Variants in CNTNAP5 observed in about 807,000 individuals in gnomAD.
CNTNAP5 encodes contactin-associated protein-like 5.
A neutral mutation model predicts 150.2 loss-of-function variants in CNTNAP5; 72 were observed. The ratio of observed to expected loss-of-function variants is 0.48; its 90% confidence interval spans 0.40 to 0.58. CNTNAP5 has a LOEUF of 0.58. CNTNAP5 is among the 20% of genes least tolerant of loss of function. The pLI, the probability that CNTNAP5 is intolerant of heterozygous loss-of-function variation, is 0.00. For missense variants in CNTNAP5, 1,636 were observed against 1,626.2 expected (o/e 1.01, Z -0.10); for synonymous variants, 672 against 619.8 (o/e 1.08, Z -1.25).
Position 124,872,411 on chromosome 2 carries a change from TGTGTGC to T in CNTNAP5, c.3436+2653_3436+2658del, listed in dbSNP as rs751087009. On this transcript the variant is annotated intron_variant, in intron 21 of 23. Transcript: ENST00000682447. ...GTGTGTGTGTGTGTGTGTGTGTGTGTGTGTGCGTGCATGTGCGTTTGTTCATATTGA... is the reference window on the plus strand; with the variant it reads ...GTGTGTGTGTGTGTGTGTGTGTGTGTGTGCATGTGCGTTTGTTCATATTGA... Among the ~76,000 whole-genome samples, 40 of 146,418 alleles carry T rather than the reference TGTGTGC, an allele frequency of 2.7e-4. No individual in the cohort carries two copies. In the East Asian group the frequency reaches 4.5e-3, roughly 17 times the overall value.
chr2:124,456,995 A>G (rs1490239658), intron 6 of CNTNAP5, among the ~76,000 whole-genome samples: 1 of 152,232 alleles, frequency 6.6e-6, no homozygotes, highest in Non-Finnish European at 1.5e-5. Flanking sequence ...CCTTCTAGAC[A>G]TTGGCTTGGG....
intron 13 of CNTNAP5, among the ~76,000 whole-genome samples, chr2:124,683,162 T>G (rs1319232235): frequency 6.6e-6 from 1 of 152,170 alleles, no homozygotes; most frequent in Non-Finnish European, 1.5e-5. Flanking sequence ...GTGTGGCTGA[T>G]GTATGAATCT....
intron 3 of CNTNAP5, among the ~76,000 whole-genome samples, chr2:124,394,955 T>C (rs1041650466): frequency 1.3e-5 from 2 of 152,138 alleles, no homozygotes; most frequent in African/African-American, 4.8e-5. Flanking sequence ...CTCAGTAAAA[T>C]ACATAATAAA....
At chr2:124,768,033 C>G (rs1207011973) in intron 16 of CNTNAP5, among the ~76,000 whole-genome samples, 1 of 152,120 alleles carries the variant, frequency 6.6e-6, no homozygotes, top group Non-Finnish European at 1.5e-5. Context: ...CCAGGGCCTA[C>G]CCCCACACCA....
chr2:124,277,439 A>T (rs9308649), intron 3 of CNTNAP5, among the ~76,000 whole-genome samples: 24,362 of 152,134 alleles, frequency 0.16, 2,065 homozygotes, highest in Non-Finnish European at 0.2. Context: ...TATTTTCAAA[A>T]TGGATATGAT....
At chr2:124,506,439 A>G (rs1214509915) in intron 8 of CNTNAP5, among the ~76,000 whole-genome samples, 1 of 152,108 alleles carries the variant, frequency 6.6e-6, no homozygotes, top group Non-Finnish European at 1.5e-5. Flanking sequence ...TGGGCCCAAT[A>G]TACTTTGCAT....
intron 7 of CNTNAP5, among the ~76,000 whole-genome samples, chr2:124,483,213 A>C (rs1359911410): frequency 2.6e-5 from 4 of 152,236 alleles, no homozygotes; most frequent in Admixed American, 2.6e-4. Context: ...GAGGTAAAGC[A>C]GGGTCCTGGA....
intron 8 of CNTNAP5, among the ~76,000 whole-genome samples, chr2:124,506,580 G>A (rs1440090200): frequency 6.6e-6 from 1 of 152,136 alleles, no homozygotes; most frequent in East Asian, 1.9e-4. Flanking sequence ...ATAGCAGAAA[G>A]GCCTGAGTCT....
Position 124,316,839 on chromosome 2 carries a change from A to AAAAAG in CNTNAP5, c.381+74460_381+74464dup, listed in dbSNP as rs908245693. The stretch of plus-strand genomic sequence containing the variant: ...AAAAAAAAAAAAAAAGAAAAAGAAA[A>AAAAAG]AAAAGAAAAGAAAAGAAAGAATGGA... On this transcript the variant is annotated intron_variant, in intron 3 of 23. Transcript: ENST00000682447. Among the ~76,000 whole-genome samples the AAAAAG allele has an allele frequency of 1.3e-4, 19 of 151,066 alleles. No individual in the cohort carries two copies. In the South Asian group the frequency reaches 3.6e-3, roughly 28 times the overall value.
rs76720923 is a variant in CNTNAP5, at chr2:124,805,330, G to T, written c.3217+7010G>T. ...AGAGGGGTGTGTGTGTGTGTATATA[G>T]AGAGAGAGCTATAATAACTAAGAAA... is the stretch of plus-strand genomic sequence containing the variant. On this transcript the variant is annotated intron_variant, in intron 19 of 23. Transcript: ENST00000682447. Among the ~76,000 whole-genome samples the T allele has an allele frequency of 2.5e-3, 386 of 152,150 alleles. 1 individual carries two copies. Among genetic ancestry groups the T allele is most frequent in the East Asian group, 0.011 (59 of 5,172 alleles).
intron 8 of CNTNAP5, among the ~76,000 whole-genome samples, chr2:124,510,313 C>CTATATATCTATCTATATATATA (rs1694542360): frequency 1.8e-5 from 1 of 54,280 alleles, no homozygotes; most frequent in Non-Finnish European, 3.5e-5. Context: ...ATATATATAT[C>CTATATATCTATCTATATATATA]TATATATCTA....
At chr2:124,508,822 C>T (rs1417329079) in intron 8 of CNTNAP5, among the ~76,000 whole-genome samples, 1 of 152,190 alleles carries the variant, frequency 6.6e-6, no homozygotes, top group Non-Finnish European at 1.5e-5. Context: ...ATTTTCCCAT[C>T]TGGGAGGAGG....
intron 5 of CNTNAP5, among the ~76,000 whole-genome samples, chr2:124,437,848 T>A (rs1189749124): frequency 6.6e-6 from 1 of 152,156 alleles, no homozygotes; most frequent in African/African-American, 2.4e-5. Flanking sequence ...GCTGGTCAAA[T>A]AAAGGAGAGA....
chr2:124,259,237 TTTC>T (rs549610417), intron 3 of CNTNAP5, among the ~76,000 whole-genome samples: 67 of 152,264 alleles, frequency 4.4e-4, no homozygotes, highest in Non-Finnish European at 7.8e-4. Flanking sequence ...TGTGCCACAT[TTTC>T]TTAATCCAGG....
intron 1 of CNTNAP5, among the ~76,000 whole-genome samples, chr2:124,206,732 T>C (rs1407543131): frequency 6.6e-6 from 1 of 152,224 alleles, no homozygotes; most frequent in Non-Finnish European, 1.5e-5. Context: ...AGGTAATTCA[T>C]GCTCACAATA....
At chr2:124,397,209 A>G (rs1422080919) in intron 3 of CNTNAP5, among the ~76,000 whole-genome samples, 1 of 152,192 alleles carries the variant, frequency 6.6e-6, no homozygotes, top group Non-Finnish European at 1.5e-5. Flanking sequence ...ACAATTCTAG[A>G]GCCTTTCTGT....
chr2:124,148,632 T>C (rs1684320269), intron 1 of CNTNAP5, among the ~76,000 whole-genome samples: 1 of 149,168 alleles, frequency 6.7e-6, no homozygotes, highest in Non-Finnish European at 1.5e-5. Context: ...CTATTGATAA[T>C]GCTCATTTAT....
chr2:124,188,242 T>C (rs1229713532), intron 1 of CNTNAP5, among the ~76,000 whole-genome samples: 2 of 152,140 alleles, frequency 1.3e-5, no homozygotes, highest in African/African-American at 4.8e-5. Context: ...AAACAAAAGA[T>C]CCTGAAGGTA....
At chr2:124,410,767 A>G (rs1167903469) in intron 3 of CNTNAP5, among the ~76,000 whole-genome samples, 4 of 151,202 alleles carry the variant, frequency 2.6e-5, no homozygotes, top group African/African-American at 9.7e-5. Context: ...AATGCCCACA[A>G]GAGAAAGCAG....
Sources: gnomAD v4.1 joint callset for allele counts (sites outside exome capture counted in the v4.1 genomes callset) on GRCh38, gnomAD v4.1.1 for gene constraint, MANE v1.5 for transcripts, NCBI Gene and HGNC (gene_info 2026-07-23, HGNC 2026-07-21) for gene names.